Variants in CHD5 observed in about 807,000 individuals in gnomAD.
CHD5 encodes the protein chromodomain helicase DNA binding protein 5.
Under a neutral mutation model 230.3 loss-of-function variants are expected in CHD5, and 69 were observed. The ratio of observed to expected loss-of-function variants is 0.30; its 90% CI spans 0.25 to 0.37. The LOEUF is 0.37. Among genes scored for constraint, CHD5 ranks in the 10% least tolerant of loss-of-function variants. The pLI is 1.00. For synonymous variants in CHD5, 1,064 were observed against 1,065.9 expected (o/e 1.00, Z 0.03); for missense variants, 1,827 against 2,622.8 (o/e 0.70, Z 6.63).
intron 31 of CHD5, among the ~76,000 whole-genome samples, chr1:6,123,488 G>A (rs543490627): frequency 6.6e-6 from 1 of 151,920 alleles, no homozygotes; most frequent in African/African-American, 2.4e-5. Context: ...GTGCAGTGGT[G>A]TGATCTTGGC....
intron 1 of CHD5, among the ~76,000 whole-genome samples, chr1:6,178,146 C>T (rs1667453447): frequency 6.6e-6 from 1 of 152,190 alleles, no homozygotes; most frequent in African/African-American, 2.4e-5. Flanking sequence ...GGCGTCTCTT[C>T]TGCAGGGCTC....
At chr1:6,113,190 G>A (rs1347407256) in intron 33 of CHD5, 192 bp from the exon 34 acceptor site, 7 of 571,450 alleles carry the variant, frequency 1.2e-5, no homozygotes, top group South Asian at 4.0e-5. Flanking sequence ...TTGGGAGGCC[G>A]AGGCAGGAGG....
Position 6,128,775 on chromosome 1 carries a change from G to A in CHD5, c.3619+63C>T, listed in dbSNP as rs1186406905. Reference sequence around the variant, plus strand: ...GCGGGCAGGGACCCAAGCAAGCCCTGGATGGGTGTCTCAGCCGGGCCACCC... The same window carrying A: ...GCGGGCAGGGACCCAAGCAAGCCCTAGATGGGTGTCTCAGCCGGGCCACCC... On this transcript the variant is annotated intron_variant, in intron 23 of 41. Transcript: ENST00000262450. This position sits in a 1 kb window ranked among gnomAD's most constrained non-coding sequence, Gnocchi z 7.8. 6.9e-6 allele frequency: 10 copies of A among 1,442,500 alleles called. No individual in the cohort carries two copies. In the East Asian group the frequency reaches 1.8e-4, roughly 27 times the overall value. The allele number at this position is 1,442,500 out of a possible 1,614,324, so 89.4% of individuals were successfully genotyped here.
rs980019363 is a variant in CHD5 at position 6,131,768 on chromosome 1, G to A, written c.3145-20C>T. ...GGTCATCTGCAGGGGAGACGGGCAC[G>A]TGAGGAACTGCCAAGGAGCAAGGGG... On this transcript the variant is annotated intron_variant, in intron 20 of 41. Coordinates refer to ENST00000262450, the MANE Select transcript of CHD5 (RefSeq NM_015557.3). The surrounding 1 kb of genome is among the most constrained non-coding windows in gnomAD (Gnocchi z 5.0). 6.5e-6 allele frequency: 10 copies of A among 1,536,476 alleles called. No individual in the cohort carries two copies. Among genetic ancestry groups the A allele is most frequent in the South Asian group, 1.1e-5 (1 of 88,986 alleles).
chr1:6,125,040 G>A lies in CHD5; in HGVS notation c.4394+60C>T. 1 of 1,450,240 alleles carries A rather than the reference G, an allele frequency of 6.9e-7. No individual in the cohort carries two copies. The allele number at this position is 1,450,240 out of a possible 1,614,324, so 89.8% of individuals were successfully genotyped here. ...CTGCCCTCTGTGGGGCTCACCCGCA[G>A]GACCCTGCCCTACTCAGGGGCAGGT... On this transcript the variant is annotated intron_variant, in intron 29 of 41. Transcript: ENST00000262450. The surrounding 1 kb of genome is among the most constrained non-coding windows in gnomAD (Gnocchi z 6.7).
Position 6,128,407 on chromosome 1 carries a change from G to T in CHD5, c.3730+92C>A, listed in dbSNP as rs919754554. 3 of 1,196,516 alleles carry T rather than the reference G, an allele frequency of 2.5e-6. No individual in the cohort carries two copies. Among genetic ancestry groups the T allele is most frequent in the Non-Finnish European group, 3.6e-6 (3 of 823,458 alleles). The allele number at this position is 1,196,516 out of a possible 1,614,324, so 74.1% of individuals were successfully genotyped here. A position where few individuals can be genotyped will look rare whatever the true frequency, so the allele number is the denominator to read the frequency against. ...GCCGCCCACCTGGCAGTCCCAGGAC[G>T]CCCAAGTGAGGGCAGGTCAGGGAAC... On this transcript the variant is annotated intron_variant, in intron 24 of 41. Transcript: ENST00000262450. This position sits in a 1 kb window ranked among gnomAD's most constrained non-coding sequence, Gnocchi z 7.8.
At chr1:6,110,578 G>A (rs370812846) in intron 36 of CHD5, 52 bp from the exon 37 acceptor site, 36 of 1,462,528 alleles carry the variant, frequency 2.5e-5, no homozygotes, top group African/African-American at 2.0e-4. Flanking sequence ...TGGTGGGGCC[G>A]TAGGGGGAGG....
chr1:6,124,218 T>A, intron 30 of CHD5, 111 bp from the exon 31 acceptor site: 1 of 1,090,450 alleles, frequency 9.2e-7, no homozygotes, highest in Non-Finnish European at 1.3e-6. Context: ...AGGCTTGGGG[T>A]AGCTGCTACC....
intron 3 of CHD5, among the ~76,000 whole-genome samples, chr1:6,158,250 T>A (rs1667109802): frequency 6.6e-6 from 1 of 152,134 alleles, no homozygotes; most frequent in Non-Finnish European, 1.5e-5. Context: ...TCATTTCCCA[T>A]GTTCCTGGGG....
Position 6,103,710 on chromosome 1 carries a change from G to C in CHD5, c.*1764C>G, listed in dbSNP as rs994125585. On this transcript the variant is annotated 3_prime_UTR_variant, in exon 42 of 42. Coordinates refer to ENST00000262450, the MANE Select transcript of CHD5 (RefSeq NM_015557.3). ...CCAGGGTGCTCCCCACTACGCCCAC[G>C]TGCAGTGTCAGGGTCGGGCTGGCCT... is the stretch of plus-strand genomic sequence containing the variant. The C allele has an allele frequency of 6.6e-6, 1 of 152,278 alleles. No homozygotes were observed. Among genetic ancestry groups the C allele is most frequent in the East Asian group, 1.9e-4 (1 of 5,192 alleles). The allele number at this position is 152,278 out of a possible 1,614,324, so 9.4% of individuals were successfully genotyped here.
chr1:6,139,538 A>ATT (rs34914652), intron 15 of CHD5, among the ~76,000 whole-genome samples: 59 of 139,216 alleles, frequency 4.2e-4, no homozygotes, highest in African/African-American at 9.6e-4. Context: ...TGCCCGGCTG[A>ATT]TTTTTTTTTT....
intron 25 of CHD5, among the ~76,000 whole-genome samples, chr1:6,127,606 G>A (rs1666580367): frequency 1.3e-5 from 2 of 152,140 alleles, no homozygotes; most frequent in Admixed American, 6.5e-5. Flanking sequence ...ACTGAAACCA[G>A]ACCCCGGGGA....
At chr1:6,160,019 G>T (rs570901778) in intron 2 of CHD5, among the ~76,000 whole-genome samples, 428 of 151,752 alleles carry the variant, frequency 2.8e-3, no homozygotes, top group African/African-American at 9.9e-3. Flanking sequence ...AGCCAGAGAA[G>T]AAAAGCCCCA....
At chr1:6,124,972 G>A in intron 29 of CHD5, 128 bp downstream of exon 29, 1 of 1,011,568 alleles carries the variant, frequency 9.9e-7, no homozygotes, top group African/African-American at 1.6e-5. Context: ...AGTCCAAGTG[G>A]CAGTGAACTT....
At chr1:6,144,907 A>G (rs1666887359) in intron 11 of CHD5, among the ~76,000 whole-genome samples, 1 of 152,260 alleles carries the variant, frequency 6.6e-6, no homozygotes, top group Admixed American at 6.5e-5. Context: ...TTGTTTTCCC[A>G]TACATAATTG....
chr1:6,160,144 G>T (rs993544567), intron 2 of CHD5, among the ~76,000 whole-genome samples: 1 of 126,084 alleles, frequency 7.9e-6, no homozygotes, highest in Non-Finnish European at 1.6e-5. Flanking sequence ...CCCAGCCAGG[G>T]AAGGGCCCCA....
At position 6,124,538 on chromosome 1, in the gene CHD5, G is replaced by C. The variant is rs1259039363; in HGVS notation, c.4518C>G (p.Val1506=). ...SRQHVLTRIG[V]MSLVRKKVQE... is the part of the protein sequence containing the mutation. Reference sequence around the variant, plus strand: ...CCACCTTCTTCCTAACTAGTGACATGACCCCGATGCGGGTCAGCACGTGCT... The same window carrying C: ...CCACCTTCTTCCTAACTAGTGACATCACCCCGATGCGGGTCAGCACGTGCT... The change falls in exon 30 of 42, where the codon GTC becomes GTG. Residue 1506 remains valine, a synonymous_variant. Transcript: ENST00000262450. The C allele has an allele frequency of 1.9e-6, 3 of 1,614,056 alleles. No homozygotes were observed. Among genetic ancestry groups the C allele is most frequent in the Non-Finnish European group, 2.5e-6 (3 of 1,179,994 alleles).
chr1:6,110,293 C>T (rs2281303), intron 37 of CHD5, 101 bp downstream of exon 37: 165,552 of 1,373,730 alleles, frequency 0.12, 10,960 homozygotes, highest in Admixed American at 0.2. Flanking sequence ...CCCAGGTACA[C>T]GGGGAGGGGT....
At chr1:6,109,131 A>C (rs1666244187) in intron 38 of CHD5, among the ~76,000 whole-genome samples, 1 of 151,966 alleles carries the variant, frequency 6.6e-6, no homozygotes, top group Non-Finnish European at 1.5e-5. Context: ...GCAAGGGCCC[A>C]CGGGCTGCAG....
Sources: gnomAD v4.1 joint callset for allele counts (sites outside exome capture counted in the v4.1 genomes callset) on GRCh38, gnomAD v4.1.1 for gene constraint, Gnocchi (gnomAD v3.1) non-coding constraint, MANE v1.5 for transcripts, NCBI Gene and HGNC (gene_info 2026-07-23, HGNC 2026-07-21) for gene names.